Variants in ATP2B2 observed in about 807,000 individuals in gnomAD.
ATP2B2 encodes ATPase plasma membrane Ca2+ transporting 2.
In ATP2B2, 15 loss-of-function variants were observed where a neutral mutation model predicts 120.0. The ratio of observed to expected loss-of-function variants is 0.12; its 90% CI spans 0.08 to 0.19. ATP2B2 has a LOEUF of 0.19. Ranked by LOEUF, ATP2B2 falls within the 10% of genes least tolerant of loss-of-function variation. The probability of loss-of-function intolerance (pLI) is 1.00; values close to 1 mark genes in which losing one functional copy is unlikely to be tolerated. For synonymous variants in ATP2B2, 694 were observed against 700.3 expected, an observed-to-expected ratio of 0.99 and a Z score of 0.14; for missense variants, 1,045 against 1,719.8, an observed-to-expected ratio of 0.61 and a Z score of 6.94.
chr3:10,380,153 G>GC (rs1339798236), intron 8 of ATP2B2, among the ~76,000 whole-genome samples: 2 of 152,214 alleles, frequency 1.3e-5, no homozygotes, highest in Non-Finnish European at 2.9e-5. Flanking sequence ...GCATCTGGCT[G>GC]CCCCCCACCG....
At chr3:10,619,181 T>G (rs1327843926) in intron 2 of ATP2B2, among the ~76,000 whole-genome samples, 1 of 152,090 alleles carries the variant, frequency 6.6e-6, no homozygotes, top group Non-Finnish European at 1.5e-5. Flanking sequence ...AAGACTTGTT[T>G]GTAAACAGAT....
intron 12 of ATP2B2, 97 bp from the exon 13 acceptor site, chr3:10,360,220 GGTCTCTGGGCTGGGGGCTGA>G: frequency 1.3e-6 from 2 of 1,488,452 alleles, no homozygotes; most frequent in East Asian, 4.7e-5. Context: ...CCACTTAGGT[GGTCTCTGGGCTGGGGGCTGA>G]GCCCTCAGGG....
intron 3 of ATP2B2, among the ~76,000 whole-genome samples, chr3:10,410,315 C>T (rs2062564789): frequency 6.6e-6 from 1 of 152,190 alleles, no homozygotes; most frequent in African/African-American, 2.4e-5. Flanking sequence ...TGGCAGCTAC[C>T]TCAGGGGGTT....
chr3:10,482,384 C>T (rs1380389428), intron 1 of ATP2B2, among the ~76,000 whole-genome samples: 3 of 152,226 alleles, frequency 2.0e-5, no homozygotes, highest in Non-Finnish European at 4.4e-5. Flanking sequence ...ACACCTCTGT[C>T]ACTGTCTGCT....
At chr3:10,427,327 G>C (rs1035970342) in intron 2 of ATP2B2, among the ~76,000 whole-genome samples, 1 of 152,090 alleles carries the variant, frequency 6.6e-6, no homozygotes, top group African/African-American at 2.4e-5. Flanking sequence ...TCTTGGATTT[G>C]ACCTTTCTTT....
At chr3:10,393,876 G>A (rs2061941473) in intron 5 of ATP2B2, among the ~76,000 whole-genome samples, 3 of 152,168 alleles carry the variant, frequency 2.0e-5, no homozygotes, top group South Asian at 2.1e-4. Flanking sequence ...GGCCTGTCCT[G>A]AACAGCAGGA....
At chr3:10,606,328 G>A (rs1291237948) in intron 2 of ATP2B2, among the ~76,000 whole-genome samples, 3 of 152,132 alleles carry the variant, frequency 2.0e-5, no homozygotes, top group African/African-American at 7.2e-5. Flanking sequence ...TATGTGAGAG[G>A]AGGCAATGCA....
chr3:10,505,075 C>G (rs981095729), intron 1 of ATP2B2, among the ~76,000 whole-genome samples: 1 of 152,174 alleles, frequency 6.6e-6, no homozygotes, highest in Non-Finnish European at 1.5e-5. Flanking sequence ...AGAAGAGAAC[C>G]TTGTCCCCTG....
At chr3:10,506,782 C>T (rs1446188657), upstream of ATP2B2, among the ~76,000 whole-genome samples, 1 of 152,200 alleles carries the variant, frequency 6.6e-6, no homozygotes, top group Non-Finnish European at 1.5e-5. Context: ...GAGGCAGTTC[C>T]AGGCAGAAGC....
rs1004678907 is a variant in ATP2B2 at position 10,642,318 on chromosome 3, G to A, written c.-459-22357C>T. Among the ~76,000 whole-genome samples, 6 of 152,192 alleles carry A rather than the reference G, an allele frequency of 3.9e-5. No homozygotes were observed. The East Asian group carries it at 1.2e-3, about 29-fold the overall frequency. On this transcript the variant is annotated intron_variant, in intron 1 of 21. Transcript: ENST00000646379. ...TGGCGTGTTGCAAGTGCATCATATA[G>A]GGGAGCTATACTTGGCCATTAGTGT...
At chr3:10,394,482 G>A (rs1224614945) in intron 5 of ATP2B2, 1 of 471,190 alleles carries the variant, frequency 2.1e-6, no homozygotes, top group Non-Finnish European at 4.4e-6. Context: ...GTGGAGCCGG[G>A]ACTTGAACCC....
rs926810253 is a variant in ATP2B2, at chr3:10,608,138, A to G, written c.-415+11779T>C. Among the ~76,000 whole-genome samples the G allele has an allele frequency of 1.7e-4, 26 of 152,312 alleles. No individual in the cohort carries two copies. In the South Asian group the frequency reaches 5.4e-3, roughly 32 times the overall value. On this transcript the variant is annotated intron_variant, in intron 2 of 21. Transcript: ENST00000646379. ...CCTCCTGACTCCACTGCCTTGGTCT[A>G]AGCACTGGCCTCTAGGATTTTTAAG...
chr3:10,339,903 GCTTCCATT>G, intron 21 of ATP2B2, among the ~76,000 whole-genome samples: 1 of 152,178 alleles, frequency 6.6e-6, no homozygotes, highest in Non-Finnish European at 1.5e-5. Flanking sequence ...GTTTTTGTTA[GCTTCCATT>G]TATGACAAGT....
intron 1 of ATP2B2, among the ~76,000 whole-genome samples, chr3:10,692,302 T>C (rs2071678326): frequency 6.6e-6 from 1 of 152,222 alleles, no homozygotes; most frequent in Non-Finnish European, 1.5e-5. Context: ...TGCTGTCCTA[T>C]TCCCTGCCTC....
intron 1 of ATP2B2, among the ~76,000 whole-genome samples, chr3:10,645,656 G>A (rs2070303363): frequency 6.6e-6 from 1 of 152,190 alleles, no homozygotes; most frequent in Non-Finnish European, 1.5e-5. Context: ...GTGGAGGCAG[G>A]CCTGAGGGAT....
intron 8 of ATP2B2, among the ~76,000 whole-genome samples, chr3:10,383,195 G>A (rs1016286363): frequency 1.3e-5 from 2 of 151,848 alleles, no homozygotes; most frequent in Non-Finnish European, 2.9e-5. Flanking sequence ...CCCAGGTGAT[G>A]TGCAGGCTTT....
chr3:10,388,133 C>A (rs2061735792), intron 6 of ATP2B2, 144 bp downstream of exon 6: 2 of 1,220,100 alleles, frequency 1.6e-6, no homozygotes, highest in African/African-American at 1.5e-5. Context: ...CCCATGCAGG[C>A]CTTAAGGATG....
chr3:10,627,269 C>CG (rs1229400559), intron 1 of ATP2B2, among the ~76,000 whole-genome samples: 1 of 152,198 alleles, frequency 6.6e-6, no homozygotes, highest in Non-Finnish European at 1.5e-5. Flanking sequence ...AAGTGGTCCC[C>CG]GGGGGCAGCA....
intron 5 of ATP2B2, among the ~76,000 whole-genome samples, chr3:10,394,859 C>A (rs1481457384): frequency 2.6e-5 from 4 of 152,070 alleles, no homozygotes; most frequent in Admixed American, 2.0e-4. Flanking sequence ...ACAGCCCCGC[C>A]ATCCTGGCCC....
Sources: allele counts gnomAD v4.1 joint callset (sites outside exome capture counted in the v4.1 genomes callset), GRCh38; gene constraint gnomAD v4.1.1; transcripts MANE v1.5; gene names NCBI Gene and HGNC (gene_info 2026-07-23, HGNC 2026-07-21).